Variants in ALDH1A2 observed in about 807,000 individuals in gnomAD.
ALDH1A2 encodes the protein retinal dehydrogenase 2.
ALDH1A2 carries 27 observed loss-of-function variants against 60.3 expected under a neutral mutation model. That is an observed-to-expected ratio of 0.45 (90% CI 0.33 to 0.62). The LOEUF (loss-of-function observed/expected upper bound fraction) is 0.62. ALDH1A2 is among the 20% of genes least tolerant of loss of function. ALDH1A2 has a pLI of 0.02. For synonymous variants in ALDH1A2, 289 were observed against 232.4 expected (o/e 1.24, Z -2.21); for missense variants, 581 against 643.8 (o/e 0.90, Z 1.06).
intron 8 of ALDH1A2, 120 bp downstream of exon 8, chr15:57,965,605 T>A (rs1423404151): frequency 1.2e-6 from 1 of 829,250 alleles, no homozygotes; most frequent in Non-Finnish European, 2.1e-6. Flanking sequence ...TTAGAGGAGA[T>A]CTTTTTGATT....
At chr15:58,027,247 C>T (rs1896104946) in intron 1 of ALDH1A2, among the ~76,000 whole-genome samples, 1 of 152,124 alleles carries the variant, frequency 6.6e-6, no homozygotes, top group South Asian at 2.1e-4. Flanking sequence ...GCTGGTGATA[C>T]CCAGGCAAAC....
At chr15:58,054,638 C>A (rs1390153899) in intron 1 of ALDH1A2, among the ~76,000 whole-genome samples, 3 of 152,060 alleles carry the variant, frequency 2.0e-5, no homozygotes, top group African/African-American at 4.8e-5. Context: ...AAAATGATGG[C>A]CCACTGGGGC....
chr15:57,985,665 C>A (rs74017094), intron 7 of ALDH1A2, among the ~76,000 whole-genome samples: 2,258 of 152,238 alleles, frequency 0.015, 68 homozygotes, highest in African/African-American at 0.051. Context: ...GTCTTTCCTC[C>A]TTCATGTAGC....
intron 1 of ALDH1A2, among the ~76,000 whole-genome samples, chr15:58,020,497 G>A (rs905639843): frequency 1.3e-5 from 2 of 152,058 alleles, no homozygotes; most frequent in Admixed American, 6.6e-5. Context: ...TTTAATAGAT[G>A]TGGTAAAAAC....
Position 58,065,694 on chromosome 15 carries a change from G to A in ALDH1A2, c.-44C>T, listed in dbSNP as rs756127469. 2.9e-6 allele frequency: 4 copies of A among 1,389,314 alleles called. No homozygotes were observed. The highest frequency in any genetic ancestry group is 2.9e-5 in the African/African-American group (2 of 68,108). 86.1% of individuals were successfully genotyped at this position (1,389,314 alleles called of 1,614,324 possible). ...CCTAGCCCGCGGCGTGGGGCAGTGCGGGCTGTGCGCGCGGTCCGCGGCCCG... is the reference window on the plus strand; with the variant it reads ...CCTAGCCCGCGGCGTGGGGCAGTGCAGGCTGTGCGCGCGGTCCGCGGCCCG... On this transcript the variant is annotated 5_prime_UTR_variant, in exon 1 of 13. Coordinates refer to ENST00000249750, the MANE Select transcript of ALDH1A2 (RefSeq NM_003888.4).
intron 1 of ALDH1A2, among the ~76,000 whole-genome samples, chr15:58,041,401 C>G (rs1207228453): frequency 6.6e-6 from 1 of 151,876 alleles, no homozygotes; most frequent in African/African-American, 2.4e-5. Context: ...ATCTGTGGAT[C>G]TAAGTCTCTC....
chr15:57,963,810 G>T, intron 9 of ALDH1A2, 75 bp downstream of exon 9: 1 of 1,495,364 alleles, frequency 6.7e-7, no homozygotes. Context: ...GCTTTGCTGG[G>T]ACCTACTACA....
At chr15:57,999,266 A>G (rs957862849) in intron 4 of ALDH1A2, among the ~76,000 whole-genome samples, 4 of 152,138 alleles carry the variant, frequency 2.6e-5, no homozygotes, top group African/African-American at 9.7e-5. Flanking sequence ...AGCCTACAGA[A>G]TGGGAGAAAT....
intron 7 of ALDH1A2, among the ~76,000 whole-genome samples, chr15:57,979,194 C>G (rs1478567801): frequency 6.6e-6 from 1 of 152,136 alleles, no homozygotes; most frequent in African/African-American, 2.4e-5. Flanking sequence ...CACTTGGGAG[C>G]CTGAGATATT....
intron 1 of ALDH1A2, among the ~76,000 whole-genome samples, chr15:58,054,351 C>A (rs1396130441): frequency 4.6e-5 from 7 of 152,128 alleles, no homozygotes; most frequent in Non-Finnish European, 1.0e-4. Context: ...AAGGACACAA[C>A]CTTTCAGCAG....
intron 7 of ALDH1A2, among the ~76,000 whole-genome samples, chr15:57,988,940 T>TG (rs1480385958): frequency 6.6e-6 from 1 of 152,072 alleles, no homozygotes; most frequent in African/African-American, 2.4e-5. Flanking sequence ...AGGCTGAGGC[T>TG]GGTGGATCAT....
rs1469571702 is a variant in ALDH1A2, at chr15:57,965,978, A to G, written c.799-151T>C. 6 of 699,740 alleles carry G rather than the reference A, an allele frequency of 8.6e-6. 1 individual carries two copies. Among genetic ancestry groups the G allele is most frequent in the South Asian group, 4.5e-5 (3 of 66,106 alleles). 43.3% of individuals were successfully genotyped at this position (699,740 alleles called of 1,614,324 possible). ...TCTTGTCATCAGCTTGGGTTACAAG[A>G]TGTAAGTTAGTGGGGTACAGTTTAA... On this transcript the variant is annotated intron_variant, in intron 7 of 12. Transcript: ENST00000249750.
In ALDH1A2 at chr15:57,972,558, T is replaced by C. The variant is rs113690297; in HGVS notation, c.799-6731A>G. 7.9e-5 allele frequency among the ~76,000 whole-genome samples: 12 copies of C among 151,920 alleles called. 2 individuals carry two copies. The highest frequency in any genetic ancestry group is 2.9e-4 in the African/African-American group (12 of 41,498). On this transcript the variant is annotated intron_variant, in intron 7 of 12. Transcript: ENST00000249750. ...ACCTGCTCAAACTCAGCCTGAGTTT[T>C]GGGGAGAAAGCTAACTGCAGAATCT...
At position 57,962,848 on chromosome 15, in the gene ALDH1A2, C is replaced by T. The variant is rs34527708; in HGVS notation, c.1087-672G>A. On this transcript the variant is annotated intron_variant, in intron 9 of 12. Coordinates refer to ENST00000249750, the MANE Select transcript of ALDH1A2 (RefSeq NM_003888.4). ...ATCTTCTCTTGAATAATCCCTAAAC[C>T]CATGCTTTAGTGACCCATATAAGAG... Among the ~76,000 whole-genome samples, 1,257 of 152,250 alleles carry T rather than the reference C, an allele frequency of 8.3e-3. 22 individuals carry two copies. The highest frequency in any genetic ancestry group is 0.029 in the African/African-American group (1,184 of 41,540).
In ALDH1A2 at chr15:57,995,064, G is replaced by A. The variant is rs752224198; in HGVS notation, c.555+14C>T. ...AAATGAAAATAAATACGAGGTGCGAGGAAATACACTCACTGGGATGATCTG... is the reference window on the plus strand; with the variant it reads ...AAATGAAAATAAATACGAGGTGCGAAGAAATACACTCACTGGGATGATCTG... On this transcript the variant is annotated intron_variant, in intron 5 of 12. Transcript: ENST00000249750. 6.2e-7 allele frequency: 1 copy of A among 1,604,898 alleles called. No homozygotes were observed. Among genetic ancestry groups the A allele is most frequent in the Non-Finnish European group, 8.5e-7 (1 of 1,172,008 alleles).
At chr15:57,995,682 C>T (rs1595651840) in intron 4 of ALDH1A2, among the ~76,000 whole-genome samples, 1 of 152,070 alleles carries the variant, frequency 6.6e-6, no homozygotes, top group African/African-American at 2.4e-5. Flanking sequence ...TAGGCATGTC[C>T]AGGGCTATTT....
rs182625571 is a variant in ALDH1A2 at position 57,955,405 on chromosome 15, C to T, written c.1485-136G>A. The T allele has an allele frequency of 2.2e-3, 1,863 of 848,578 alleles. 21 individuals carry two copies. The highest frequency in any genetic ancestry group is 0.019 in the Admixed American group (1,016 of 52,974). 52.6% of individuals were successfully genotyped at this position (848,578 alleles called of 1,614,324 possible). A position where few individuals can be genotyped will look rare whatever the true frequency, so the allele number is the denominator to read the frequency against. ...GGGATGTTCATGTAAAAATTCCTCA[C>T]GTATGCGCAGCCCAGCCTTCCTCTG... On this transcript the variant is annotated intron_variant, in intron 12 of 12. Transcript: ENST00000249750.
intron 1 of ALDH1A2, among the ~76,000 whole-genome samples, chr15:58,064,432 T>C (rs1016254241): frequency 2.0e-5 from 3 of 152,170 alleles, no homozygotes; most frequent in African/African-American, 7.2e-5. Context: ...TGTTGTTTCT[T>C]GTATATCTCA....
chr15:57,965,592 T>A, intron 8 of ALDH1A2, 133 bp downstream of exon 8: 2 of 772,738 alleles, frequency 2.6e-6, no homozygotes, highest in Non-Finnish European at 4.6e-6. Flanking sequence ...AACCATTTTC[T>A]CCTTAGAGGA....
Sources: allele counts gnomAD v4.1 joint callset (sites outside exome capture counted in the v4.1 genomes callset), GRCh38; gene constraint gnomAD v4.1.1; transcripts MANE v1.5; gene names NCBI Gene and HGNC (gene_info 2026-07-23, HGNC 2026-07-21).